GRIK2: variants seen among roughly 807,000 people sequenced by gnomAD.
GRIK2 encodes glutamate receptor ionotropic, kainate 2.
Under a neutral mutation model 100.3 loss-of-function variants are expected in GRIK2, and 32 were observed. The ratio of observed to expected loss-of-function variants is 0.32; its 90% CI spans 0.24 to 0.43. The LOEUF (loss-of-function observed/expected upper bound fraction) is 0.43, where lower values mean the gene tolerates loss of function less well. Ranked by LOEUF, GRIK2 falls within the 20% of genes least tolerant of loss-of-function variation. The probability of loss-of-function intolerance (pLI) is 1.00; values close to 1 mark genes in which losing one functional copy is unlikely to be tolerated. For missense variants in GRIK2, 843 were observed against 1,114.9 expected (o/e 0.76, Z 3.47); for synonymous variants, 417 against 389.4 (o/e 1.07, Z -0.83).
chr6:101,753,131 A>C (rs2128385581), intron 7 of GRIK2, among the ~76,000 whole-genome samples: 1 of 152,068 alleles, frequency 6.6e-6, no homozygotes, highest in African/African-American at 2.4e-5. Context: ...AAATACAAAA[A>C]ATTAGCCTGG....
At chr6:101,714,439 A>AT (rs1773924780) in intron 7 of GRIK2, among the ~76,000 whole-genome samples, 2 of 150,610 alleles carry the variant, frequency 1.3e-5, no homozygotes, top group South Asian at 4.2e-4. Flanking sequence ...CTCTAAGAGG[A>AT]TTATTCAGTT....
At chr6:101,729,684 G>A (rs1284664964) in intron 7 of GRIK2, among the ~76,000 whole-genome samples, 1 of 149,042 alleles carries the variant, frequency 6.7e-6, no homozygotes, top group Non-Finnish European at 1.5e-5. Flanking sequence ...TAAGACCGTG[G>A]TGTGGGAAGA....
At chr6:101,695,808 A>G (rs1005460609) in intron 7 of GRIK2, among the ~76,000 whole-genome samples, 1 of 152,112 alleles carries the variant, frequency 6.6e-6, no homozygotes, top group Non-Finnish European at 1.5e-5. Flanking sequence ...TACATTAAGT[A>G]AGTATTACTT....
chr6:101,971,388 A>G (rs1016219759), intron 14 of GRIK2, among the ~76,000 whole-genome samples: 2 of 152,038 alleles, frequency 1.3e-5, no homozygotes, highest in Non-Finnish European at 2.9e-5. Flanking sequence ...AAACCAAGGC[A>G]GTATTATGTT....
At chr6:101,710,249 A>C (rs1773603021) in intron 7 of GRIK2, among the ~76,000 whole-genome samples, 1 of 151,786 alleles carries the variant, frequency 6.6e-6, no homozygotes, top group African/African-American at 2.4e-5. Flanking sequence ...AAGGCAGTAA[A>C]GGTGAGATGG....
chr6:101,828,335 C>T (rs1483360432), intron 10 of GRIK2, among the ~76,000 whole-genome samples: 2 of 151,816 alleles, frequency 1.3e-5, no homozygotes, highest in Non-Finnish European at 2.9e-5. Flanking sequence ...ATAGAAAGAT[C>T]TCAAATTAAC....
intron 1 of GRIK2, among the ~76,000 whole-genome samples, chr6:101,396,577 A>G (rs1775019146): frequency 1.3e-5 from 2 of 152,340 alleles, no homozygotes; most frequent in South Asian, 4.1e-4. Context: ...TGAAAAATAC[A>G]CACAACACAG....
At chr6:101,888,491 T>C (rs1786815259) in intron 11 of GRIK2, among the ~76,000 whole-genome samples, 1 of 152,250 alleles carries the variant, frequency 6.6e-6, no homozygotes, top group Middle Eastern at 3.4e-3. Flanking sequence ...GTGATGATGC[T>C]CTCCCCCAGA....
intron 7 of GRIK2, among the ~76,000 whole-genome samples, chr6:101,746,210 G>T (rs1221353262): frequency 6.6e-6 from 1 of 152,094 alleles, no homozygotes; most frequent in Non-Finnish European, 1.5e-5. Context: ...TCTAGCATTT[G>T]GTGGTATAAA....
chr6:101,601,028 C>T (rs978944641), intron 2 of GRIK2, among the ~76,000 whole-genome samples: 1 of 151,386 alleles, frequency 6.6e-6, no homozygotes, highest in African/African-American at 2.4e-5. Flanking sequence ...ATGGTTCAAA[C>T]TTTTGCCCAT....
chr6:101,898,835 A>C (rs1787653780), intron 12 of GRIK2, among the ~76,000 whole-genome samples: 1 of 152,004 alleles, frequency 6.6e-6, no homozygotes. Flanking sequence ...AATGTTAAAT[A>C]ATAATGTACA....
At chr6:101,773,916 G>A (rs957506696) in intron 7 of GRIK2, among the ~76,000 whole-genome samples, 1 of 152,182 alleles carries the variant, frequency 6.6e-6, no homozygotes, top group Non-Finnish European at 1.5e-5. Flanking sequence ...TACAATTATT[G>A]TAGAGTAATG....
chr6:101,776,405 T>C (rs77474159), intron 7 of GRIK2, among the ~76,000 whole-genome samples: 94 of 152,278 alleles, frequency 6.2e-4, no homozygotes, highest in Non-Finnish European at 1.1e-3. Flanking sequence ...TAAATAATTA[T>C]GCAGAGAAGA....
chr6:101,656,992 C>T (rs987130615), intron 4 of GRIK2, among the ~76,000 whole-genome samples: 4 of 152,136 alleles, frequency 2.6e-5, no homozygotes, highest in Admixed American at 6.6e-5. Flanking sequence ...TAGCCATGGG[C>T]CTTTCAAAAT....
rs1415508587 is a variant in GRIK2 at position 101,799,712 on chromosome 6, A to G, written c.1016A>G (p.Gln339Arg). Reference protein sequence around the residue: ...VVSVAVQQFPQMTVSSLQCNR... With the variant: ...VVSVAVQQFPRMTVSSLQCNR... ...TCTGTGGCCGTTCAACAGTTTCCCC[A>G]GATGACAGTCAGTTCCTTGCAGTGT... is the stretch of plus-strand genomic sequence containing the variant. Residue 339 changes from glutamine to arginine, a missense_variant, in exon 8 of 17, where the codon CAG becomes CGG. Gln to Arg is a conservative substitution (Grantham distance 43). Around this residue, in one of 3 missense-constraint regions of GRIK2, gnomAD observed 519 missense variants for 643.8 expected, o/e 0.81. Coordinates refer to ENST00000369134, the MANE Select transcript of GRIK2 (RefSeq NM_021956.5). The G allele has an allele frequency of 6.2e-7, 1 of 1,612,982 alleles. No individual in the cohort carries two copies. The highest frequency in any genetic ancestry group is 8.5e-7 in the Non-Finnish European group (1 of 1,179,198).
intron 2 of GRIK2, among the ~76,000 whole-genome samples, chr6:101,435,851 A>G (rs1769686020): frequency 6.6e-6 from 1 of 151,822 alleles, no homozygotes; most frequent in Admixed American, 6.6e-5. Flanking sequence ...GGACTTGGAG[A>G]CTTTTCAATA....
intron 9 of GRIK2, 32 bp downstream of exon 9, chr6:101,802,470 T>C (rs1283502282): frequency 5.6e-6 from 5 of 888,782 alleles, no homozygotes; most frequent in Non-Finnish European, 8.9e-6. Context: ...CTTTAATTAC[T>C]AAATGAAACA....
intron 2 of GRIK2, among the ~76,000 whole-genome samples, chr6:101,474,082 G>A (rs1208855172): frequency 6.6e-6 from 1 of 151,764 alleles, no homozygotes; most frequent in Non-Finnish European, 1.5e-5. Flanking sequence ...CTCAGAGGAG[G>A]TGGTTGTAAA....
chr6:101,967,492 A>G (rs1792760953), intron 14 of GRIK2, among the ~76,000 whole-genome samples: 1 of 152,142 alleles, frequency 6.6e-6, no homozygotes, highest in East Asian at 1.9e-4. Flanking sequence ...AGATGCCACA[A>G]TTTAATGTAC....
Sources: allele counts gnomAD v4.1 joint callset (sites outside exome capture counted in the v4.1 genomes callset), GRCh38; gene constraint gnomAD v4.1.1; regional missense constraint gnomAD v4.1.1; transcripts MANE v1.5; gene names NCBI Gene and HGNC (gene_info 2026-07-23, HGNC 2026-07-21).